The following FOXP1 variants were observed in gnomAD, a reference collection of about 807,000 sequenced individuals.
The protein encoded by FOXP1 is forkhead box protein P1.
FOXP1 carries 15 observed loss-of-function variants against 98.2 expected under a neutral mutation model. That is an observed-to-expected ratio of 0.15 (90% CI 0.10 to 0.24). FOXP1 has a LOEUF of 0.24. Ranked by LOEUF, FOXP1 falls within the 10% of genes least tolerant of loss-of-function variation. FOXP1 has a pLI of 1.00. For synonymous variants in FOXP1, 371 were observed against 314.5 expected (o/e 1.18, Z -1.90); for missense variants, 633 against 848.5 (o/e 0.75, Z 3.15).
At chr3:71,286,593 G>C (rs2072169189) in intron 5 of FOXP1, among the ~76,000 whole-genome samples, 1 of 152,108 alleles carries the variant, frequency 6.6e-6, no homozygotes, top group Non-Finnish European at 1.5e-5. Context: ...ATTAAACAAT[G>C]AAAGTATAAA....
intron 2 of FOXP1, among the ~76,000 whole-genome samples, chr3:71,578,889 TG>T (rs1337038666): frequency 6.6e-6 from 1 of 152,242 alleles, no homozygotes; most frequent in African/African-American, 2.4e-5. Flanking sequence ...TAAGTATAAA[TG>T]GTTTAACTAG....
intron 6 of FOXP1, among the ~76,000 whole-genome samples, chr3:71,190,509 T>C (rs1222807467): frequency 6.6e-6 from 1 of 150,994 alleles, no homozygotes; most frequent in Non-Finnish European, 1.5e-5. Context: ...TCCCAGCAAC[T>C]CAGAAGCCTG....
intron 7 of FOXP1, among the ~76,000 whole-genome samples, chr3:71,082,852 G>A (rs943544990): frequency 1.3e-5 from 2 of 152,096 alleles, no homozygotes; most frequent in Non-Finnish European, 2.9e-5. Flanking sequence ...TGATTTTTCC[G>A]CTAACCAGCT....
At chr3:71,013,847 A>T (rs2107722352) in intron 12 of FOXP1, among the ~76,000 whole-genome samples, 1 of 152,324 alleles carries the variant, frequency 6.6e-6, no homozygotes, top group South Asian at 2.1e-4. Context: ...ATAATACCAC[A>T]CATCTACAAC....
At chr3:71,051,564 T>C (rs1317726863) in intron 9 of FOXP1, among the ~76,000 whole-genome samples, 1 of 152,174 alleles carries the variant, frequency 6.6e-6, no homozygotes, top group Non-Finnish European at 1.5e-5. Context: ...GCCACCTGCT[T>C]AGGGCTGGTG....
At chr3:71,344,998 C>G (rs908105130) in intron 4 of FOXP1, among the ~76,000 whole-genome samples, 14 of 152,244 alleles carry the variant, frequency 9.2e-5, no homozygotes, top group African/African-American at 3.1e-4. Flanking sequence ...TATCAACTAA[C>G]TAGTTTATAA....
intron 5 of FOXP1, among the ~76,000 whole-genome samples, chr3:71,257,274 T>C (rs1451458975): frequency 6.6e-6 from 1 of 152,028 alleles, no homozygotes; most frequent in Non-Finnish European, 1.5e-5. Flanking sequence ...GTTTTGGCAA[T>C]ATTTAAAAAA....
chr3:71,064,795 A>G (rs1274936563), intron 7 of FOXP1: 45 of 984,644 alleles, frequency 4.6e-5, no homozygotes, highest in Middle Eastern at 5.2e-4. Flanking sequence ...GGAGAGCGAA[A>G]CCGGCAAAGA....
chr3:70,979,744 G>T (rs1283299126), intron 14 of FOXP1, among the ~76,000 whole-genome samples: 3 of 147,524 alleles, frequency 2.0e-5, no homozygotes, highest in Non-Finnish European at 4.5e-5. Flanking sequence ...GTTCCAATAT[G>T]TTGGGAAGAC....
chr3:71,134,240 G>A (rs933520697), intron 6 of FOXP1, among the ~76,000 whole-genome samples: 3 of 152,166 alleles, frequency 2.0e-5, no homozygotes, highest in South Asian at 2.1e-4. Context: ...ATTCAAAAAC[G>A]GTGGCTATTC....
intron 2 of FOXP1, among the ~76,000 whole-genome samples, chr3:71,530,535 G>A (rs1348060357): frequency 4.6e-5 from 7 of 152,204 alleles, no homozygotes; most frequent in Middle Eastern, 3.2e-3. Context: ...TGTGGTGACC[G>A]TAAGTGTTCT....
At chr3:71,021,251 G>C (rs2045387117) in intron 11 of FOXP1, among the ~76,000 whole-genome samples, 1 of 152,104 alleles carries the variant, frequency 6.6e-6, no homozygotes, top group African/African-American at 2.4e-5. Context: ...GTCTCTAGAG[G>C]TGTGTCTATT....
chr3:71,252,957 G>A (rs940878818), intron 5 of FOXP1, among the ~76,000 whole-genome samples: 2 of 152,166 alleles, frequency 1.3e-5, no homozygotes, highest in Non-Finnish European at 2.9e-5. Flanking sequence ...GGCTAGTCCT[G>A]CAATGGCCCC....
rs183199386 is a variant in FOXP1 at position 71,114,609 on chromosome 3, T to A, written c.181-1972A>T. On this transcript the variant is annotated intron_variant, in intron 6 of 20. Coordinates refer to ENST00000649528, the MANE Select transcript of FOXP1 (RefSeq NM_001349338.3). Reference sequence around the variant, plus strand: ...CCTGCTATCCCACCTGCCTACTGCATCCACCCCCGTGTCCCAGGGAGGCCT... The same window carrying A: ...CCTGCTATCCCACCTGCCTACTGCAACCACCCCCGTGTCCCAGGGAGGCCT... Among the ~76,000 whole-genome samples, 48 of 152,314 alleles carry A rather than the reference T, an allele frequency of 3.2e-4. 1 individual carries two copies. In the South Asian group the frequency reaches 5.0e-3, roughly 16 times the overall value.
At chr3:71,005,518 T>TA (rs1559697434) in intron 12 of FOXP1, among the ~76,000 whole-genome samples, 4 of 151,882 alleles carry the variant, frequency 2.6e-5, no homozygotes, top group African/African-American at 9.7e-5. Flanking sequence ...TTGGGGGAAA[T>TA]GTATATCACC....
chr3:71,391,161 T>C (rs1244259953), intron 3 of FOXP1, among the ~76,000 whole-genome samples: 1 of 152,144 alleles, frequency 6.6e-6, no homozygotes, highest in Non-Finnish European at 1.5e-5. Context: ...AACAAAAATA[T>C]CACATATTTC....
chr3:71,311,281 G>T (rs1339416518), intron 4 of FOXP1, among the ~76,000 whole-genome samples: 4 of 152,096 alleles, frequency 2.6e-5, no homozygotes, highest in Admixed American at 1.3e-4. Context: ...GTAGGGACAA[G>T]GTCTCACTAT....
At chr3:71,084,224 G>T (rs1193238320) in intron 7 of FOXP1, among the ~76,000 whole-genome samples, 1 of 151,964 alleles carries the variant, frequency 6.6e-6, no homozygotes, top group African/African-American at 2.4e-5. Context: ...ACCAAGCCCT[G>T]GGAATTTCTT....
chr3:71,055,765 G>GT (rs899045428), intron 7 of FOXP1, among the ~76,000 whole-genome samples: 1 of 152,204 alleles, frequency 6.6e-6, no homozygotes, highest in Non-Finnish European at 1.5e-5. Context: ...TTCCTTGAGA[G>GT]TTGCATCATC....
Sources: gnomAD v4.1 joint callset for allele counts (sites outside exome capture counted in the v4.1 genomes callset) on GRCh38, gnomAD v4.1.1 for gene constraint, MANE v1.5 for transcripts, NCBI Gene and HGNC (gene_info 2026-07-23, HGNC 2026-07-21) for gene names.